CHMP1A: variants seen among roughly 807,000 people sequenced by gnomAD.
CHMP1A encodes the protein charged multivesicular body protein 1A, also known as VPS46 homolog A.
A neutral mutation model predicts 27.0 loss-of-function variants in CHMP1A; 17 were observed. That is an observed-to-expected ratio of 0.63 (90% CI 0.43 to 0.95). The LOEUF (loss-of-function observed/expected upper bound fraction) is 0.95. Among genes scored for constraint, CHMP1A ranks in the 40% least tolerant of loss-of-function variants. CHMP1A has a pLI of 0.00. For missense variants in CHMP1A, 275 were observed against 264.0 expected (o/e 1.04, Z -0.29); for synonymous variants, 131 against 107.5 (o/e 1.22, Z -1.35).
intron 2 of CHMP1A, 100 bp downstream of exon 2, chr16:89,653,804 T>C (rs1487681793): frequency 2.3e-6 from 3 of 1,282,198 alleles, no homozygotes; most frequent in East Asian, 4.6e-5. Flanking sequence ...TCAACTGTTA[T>C]ATAATCTGCC....
At chr16:89,651,441 T>C (rs1352715729) in intron 3 of CHMP1A, 128 bp downstream of exon 3, 4 of 639,838 alleles carry the variant, frequency 6.3e-6, no homozygotes, top group Non-Finnish European at 1.1e-5. Flanking sequence ...GACGATTAAA[T>C]CATGATGTAG....
intron 1 of CHMP1A, among the ~76,000 whole-genome samples, chr16:89,655,424 T>TCACCTCAGCTTTCCCC (rs2059857336): frequency 7.2e-6 from 1 of 139,456 alleles, no homozygotes; most frequent in Non-Finnish European, 1.6e-5. Context: ...CAGCTTTCCC[T>TCACCTCAGCTTTCCCC]CACCTCAGCT....
chr16:89,653,020 C>CTTTT (rs746886149), intron 2 of CHMP1A, among the ~76,000 whole-genome samples: 19 of 82,176 alleles, frequency 2.3e-4, no homozygotes, highest in South Asian at 4.7e-4. Context: ...TTTTTCTTTT[C>CTTTT]TTTTTTTTTT....
rs1489343119 is a variant in CHMP1A, at chr16:89,646,628, C to T, written c.468G>A (p.Glu156=). The change falls in exon 6 of 7, where the codon GAG becomes GAA. Residue 156 remains glutamate, a synonymous_variant. Coordinates refer to ENST00000397901, the MANE Select transcript of CHMP1A (RefSeq NM_002768.5). ...VDSLIMQIAE[E]NGLEVLDQLS... ...GCTGGTCCAGCACCTCCAGGCCATTCTCCTCGGCGATCTGCATGATGAGGC... is the reference window on the plus strand; with the variant it reads ...GCTGGTCCAGCACCTCCAGGCCATTTTCCTCGGCGATCTGCATGATGAGGC... 2 of 1,609,314 alleles carry T rather than the reference C, an allele frequency of 1.2e-6. No individual in the cohort carries two copies. Among genetic ancestry groups the T allele is most frequent in the Middle Eastern group, 1.7e-4 (1 of 6,058 alleles).
chr16:89,645,773 C>T lies in CHMP1A; in HGVS notation c.*293G>A, dbSNP rs1003717411. On this transcript the variant is annotated 3_prime_UTR_variant, in exon 7 of 7. Transcript: ENST00000397901. ...CTGCCCCAGAGTCTGAAGGCCCCCACAGTGCTGGGTGAAAGTCCACAGGGC... is the reference window on the plus strand; with the variant it reads ...CTGCCCCAGAGTCTGAAGGCCCCCATAGTGCTGGGTGAAAGTCCACAGGGC... 7 of 739,784 alleles carry T rather than the reference C, an allele frequency of 9.5e-6. No individual in the cohort carries two copies. The highest frequency in any genetic ancestry group is 1.8e-5 in the African/African-American group (1 of 55,056). The allele number at this position is 739,784 out of a possible 1,614,324, so 45.8% of individuals were successfully genotyped here. A position where few individuals can be genotyped will look rare whatever the true frequency, so the allele number is the denominator to read the frequency against.
At chr16:89,646,895 C>T in intron 5 of CHMP1A, 181 bp from the exon 6 acceptor site, 1 of 698,232 alleles carries the variant, frequency 1.4e-6, no homozygotes, top group Non-Finnish European at 2.4e-6. Context: ...CCCCCCCACC[C>T]AGCCCCACCC....
At chr16:89,653,464 T>TA (rs957649390) in intron 2 of CHMP1A, among the ~76,000 whole-genome samples, 4 of 147,184 alleles carry the variant, frequency 2.7e-5, no homozygotes, top group Admixed American at 2.7e-4. Flanking sequence ...ATTAAAAATG[T>TA]AAAAAAAAAT....
At chr16:89,656,237 C>T (rs1022843921) in intron 1 of CHMP1A, among the ~76,000 whole-genome samples, 2 of 152,126 alleles carry the variant, frequency 1.3e-5, no homozygotes, top group Non-Finnish European at 2.9e-5. Flanking sequence ...CCCGGGTTCA[C>T]GCCATTCTCC....
rs79284383 is a variant in CHMP1A, at chr16:89,647,155, C to G, written c.381+48G>C. 30,767 of 1,595,966 alleles carry G rather than the reference C, an allele frequency of 0.019. 5,481 individuals are homozygous for G. The East Asian group carries it at 0.48, about 25-fold the overall frequency. On this transcript the variant is annotated intron_variant, in intron 5 of 6. Coordinates refer to ENST00000397901, the MANE Select transcript of CHMP1A (RefSeq NM_002768.5). ...CACCCCTCCCGATGAGCTGCCCACACACGCTCCTTGTCCCCAGGCCACAGC... is the reference window on the plus strand; with the variant it reads ...CACCCCTCCCGATGAGCTGCCCACAGACGCTCCTTGTCCCCAGGCCACAGC...
chr16:89,648,328 C>T (rs78851223), intron 4 of CHMP1A, among the ~76,000 whole-genome samples: 4 of 3,572 alleles, frequency 1.1e-3, no homozygotes, highest in African/African-American at 3.8e-3. Context: ...GGAGACCCAG[C>T]GCGGGGTCGG....
chr16:89,649,271 G>T, intron 4 of CHMP1A, 80 bp downstream of exon 4: 1 of 1,540,612 alleles, frequency 6.5e-7, no homozygotes, highest in African/African-American at 1.4e-5. Context: ...ACTCTGAGCT[G>T]CCCCAGATCC....
At chr16:89,652,669 G>A (rs2151515858) in intron 2 of CHMP1A, among the ~76,000 whole-genome samples, 1 of 152,322 alleles carries the variant, frequency 6.6e-6, no homozygotes, top group Non-Finnish European at 1.5e-5. Context: ...GCACCACAGG[G>A]TGCAGGACAC....
Position 89,649,395 on chromosome 16 carries a change from C to G in CHMP1A, c.208G>C (p.Asp70His). The change falls in exon 4 of 7, where the codon GAC (aspartate) becomes CAC (histidine). Residue 70 changes from aspartate to histidine, a missense_variant. Physicochemically the swap from Asp to His is moderately conservative, Grantham distance 81. Transcript: ENST00000397901. ...VNWLRMASRV[D>H]AVASKVQTAV... ...GTCTGCACCTTGGAGGCCACTGCGTCTACGCGGGACGCCATCCGAAGCCAG... is the reference window on the plus strand; with the variant it reads ...GTCTGCACCTTGGAGGCCACTGCGTGTACGCGGGACGCCATCCGAAGCCAG... The G allele has an allele frequency of 1.2e-6, 2 of 1,613,708 alleles. No homozygotes were observed. Among genetic ancestry groups the G allele is most frequent in the South Asian group, 1.1e-5 (1 of 91,078 alleles).
At position 89,645,758 on chromosome 16, in the gene CHMP1A, G is replaced by A. The variant is rs1029638157; in HGVS notation, c.*308C>T. 50 of 637,076 alleles carry A rather than the reference G, an allele frequency of 7.8e-5. No homozygotes were observed. The African/African-American group carries it at 9.1e-4, about 12-fold the overall frequency. The allele number at this position is 637,076 out of a possible 1,614,324, so 39.5% of individuals were successfully genotyped here. A position where few individuals can be genotyped will look rare whatever the true frequency, so the allele number is the denominator to read the frequency against. On this transcript the variant is annotated 3_prime_UTR_variant, in exon 7 of 7. Coordinates refer to ENST00000397901, the MANE Select transcript of CHMP1A (RefSeq NM_002768.5). ...GAAGCAGCATGTCTGCTGCCCCAGA[G>A]TCTGAAGGCCCCCACAGTGCTGGGT...
intron 5 of CHMP1A, chr16:89,646,986 C>T: frequency 1.3e-6 from 2 of 1,483,820 alleles, no homozygotes; most frequent in South Asian, 1.3e-5. Flanking sequence ...AGCCTCCCCA[C>T]AAGGAGCCAG....
chr16:89,651,420 T>C (rs1460528076), intron 3 of CHMP1A, 149 bp downstream of exon 3: 1 of 584,612 alleles, frequency 1.7e-6, no homozygotes, highest in Non-Finnish European at 3.1e-6. Context: ...TATATATATG[T>C]ACCTCAAGGT....
chr16:89,649,190 T>G, intron 4 of CHMP1A, 161 bp downstream of exon 4: 1 of 230,288 alleles, frequency 4.3e-6, no homozygotes. Context: ...GATCCAGCCC[T>G]CAACCTCCCC....
At chr16:89,648,404 G>A (rs466598) in intron 4 of CHMP1A, among the ~76,000 whole-genome samples, 1,439 of 12,728 alleles carry the variant, frequency 0.11, 317 homozygotes, top group East Asian at 0.64. Context: ...GCCGACGTGG[G>A]GACCCAGCGC....
chr16:89,646,375 G>A (rs2059773595), intron 6 of CHMP1A, among the ~76,000 whole-genome samples, 152 bp downstream of exon 6: 1 of 152,226 alleles, frequency 6.6e-6, no homozygotes. Context: ...CTTGGGGGCG[G>A]CTGCAGCTGG....
Sources: allele counts gnomAD v4.1 joint callset (sites outside exome capture counted in the v4.1 genomes callset), GRCh38; gene constraint gnomAD v4.1.1; transcripts MANE v1.5; gene names NCBI Gene and HGNC (gene_info 2026-07-23, HGNC 2026-07-21).